Variants in ADGRL3 observed in about 807,000 individuals in gnomAD.
ADGRL3 encodes calcium-independent alpha-latrotoxin receptor 3.
A neutral mutation model predicts 153.5 loss-of-function variants in ADGRL3; 62 were observed. That is an observed-to-expected ratio of 0.40 (90% confidence interval 0.33 to 0.50). The LOEUF (loss-of-function observed/expected upper bound fraction) is 0.50, where lower values mean the gene tolerates loss of function less well. ADGRL3 is among the 20% of genes least tolerant of loss of function. The pLI, the probability that ADGRL3 is intolerant of heterozygous loss-of-function variation, is 0.47. For missense variants in ADGRL3, 1,641 were observed against 1,859.4 expected, an observed-to-expected ratio of 0.88 and a Z score of 2.16; for synonymous variants, 710 against 672.5, an observed-to-expected ratio of 1.06 and a Z score of -0.86.
At chr4:61,927,569 A>C (rs1370067516) in intron 13 of ADGRL3, among the ~76,000 whole-genome samples, 2 of 152,128 alleles carry the variant, frequency 1.3e-5, no homozygotes, top group East Asian at 3.9e-4. Flanking sequence ...ATACTTAATA[A>C]TATTAAATGA....
chr4:61,429,483 G>T (rs1285932380), intron 2 of ADGRL3, among the ~76,000 whole-genome samples: 5 of 152,134 alleles, frequency 3.3e-5, no homozygotes, highest in African/African-American at 4.8e-5. Flanking sequence ...ATATCCCAAA[G>T]AACTACAATG....
At chr4:61,553,645 G>C (rs779491018) in intron 4 of ADGRL3, among the ~76,000 whole-genome samples, 1 of 152,016 alleles carries the variant, frequency 6.6e-6, no homozygotes, top group South Asian at 2.1e-4. Context: ...TTAATAACAA[G>C]TGTAGGCATA....
chr4:61,277,265 G>A (rs894684838), intron 1 of ADGRL3, among the ~76,000 whole-genome samples: 3 of 152,056 alleles, frequency 2.0e-5, no homozygotes, highest in African/African-American at 4.8e-5. Context: ...AAGCCTGACC[G>A]AGTTATAAGG....
At chr4:61,788,018 T>C (rs1020605487) in intron 8 of ADGRL3, among the ~76,000 whole-genome samples, 3 of 152,196 alleles carry the variant, frequency 2.0e-5, no homozygotes, top group African/African-American at 7.2e-5. Context: ...ATGCCACATT[T>C]TCTTTATTCA....
intron 26 of ADGRL3, 73 bp downstream of exon 26, chr4:62,068,256 G>C (rs1422559955): frequency 7.4e-7 from 1 of 1,349,574 alleles, no homozygotes; most frequent in South Asian, 1.3e-5. Flanking sequence ...ATCACATATA[G>C]ATGATGTAGT....
At chr4:61,747,658 C>A (rs1200994569) in intron 8 of ADGRL3, among the ~76,000 whole-genome samples, 2 of 144,316 alleles carry the variant, frequency 1.4e-5, no homozygotes, top group Non-Finnish European at 3.0e-5. Flanking sequence ...AATTCAACAA[C>A]CCTTCATGCT....
chr4:61,447,054 G>C (rs1324914633), intron 2 of ADGRL3, among the ~76,000 whole-genome samples: 1 of 152,064 alleles, frequency 6.6e-6, no homozygotes, highest in African/African-American at 2.4e-5. Context: ...TACTTTCCCA[G>C]TTTTCTCACC....
chr4:62,000,577 T>C (rs1378582338), intron 21 of ADGRL3, among the ~76,000 whole-genome samples: 1 of 152,160 alleles, frequency 6.6e-6, no homozygotes, highest in Admixed American at 6.6e-5. Context: ...TTTTCTAGGT[T>C]ATATTCTTTG....
intron 9 of ADGRL3, among the ~76,000 whole-genome samples, chr4:61,883,929 C>T (rs2098522765): frequency 6.6e-6 from 1 of 152,112 alleles, no homozygotes; most frequent in South Asian, 2.1e-4. Flanking sequence ...TAATGCAAGA[C>T]AATCAATAAA....
At chr4:61,799,142 A>C (rs2152473991) in intron 8 of ADGRL3, among the ~76,000 whole-genome samples, 1 of 151,028 alleles carries the variant, frequency 6.6e-6, no homozygotes, top group East Asian at 2.0e-4. Flanking sequence ...TGGTCCAAGA[A>C]GAATTTTGTA....
intron 4 of ADGRL3, among the ~76,000 whole-genome samples, chr4:61,525,277 G>A (rs1215782468): frequency 6.6e-6 from 1 of 152,086 alleles, no homozygotes; most frequent in African/African-American, 2.4e-5. Flanking sequence ...TGCAAGCATA[G>A]ATGAGAGGTA....
chr4:61,771,617 A>G (rs1274829167), intron 8 of ADGRL3, among the ~76,000 whole-genome samples: 1 of 152,124 alleles, frequency 6.6e-6, no homozygotes, highest in African/African-American at 2.4e-5. Flanking sequence ...TCAAGAACTC[A>G]TTGTGTTGCC....
chr4:61,737,662 A>G (rs777157706), intron 8 of ADGRL3, among the ~76,000 whole-genome samples: 14 of 152,226 alleles, frequency 9.2e-5, no homozygotes, highest in Non-Finnish European at 1.6e-4. Flanking sequence ...ATAGATTTGC[A>G]GTAACCCTAC....
intron 5 of ADGRL3, among the ~76,000 whole-genome samples, chr4:61,626,492 C>T (rs1044930410): frequency 3.9e-5 from 6 of 151,908 alleles, no homozygotes; most frequent in Admixed American, 2.0e-4. Flanking sequence ...AAAGTTGAAA[C>T]GTGAAATTTC....
intron 11 of ADGRL3, among the ~76,000 whole-genome samples, chr4:61,900,310 T>C (rs893842984): frequency 2.0e-4 from 30 of 152,112 alleles, no homozygotes; most frequent in Non-Finnish European, 3.2e-4. Context: ...TGTTTTTTTT[T>C]CCCCCAGCAA....
chr4:61,355,087 G>T (rs894828684), intron 1 of ADGRL3, among the ~76,000 whole-genome samples: 4 of 152,026 alleles, frequency 2.6e-5, no homozygotes, highest in African/African-American at 9.7e-5. Context: ...TTATTCTAAG[G>T]CCAGTTCCTT....
chr4:61,703,768 T>G (rs2095808493), intron 6 of ADGRL3, among the ~76,000 whole-genome samples: 1 of 152,086 alleles, frequency 6.6e-6, no homozygotes, highest in African/African-American at 2.4e-5. Context: ...TCACAGAATC[T>G]ATGTCTCTAT....
At chr4:61,434,027 A>G (rs186552218) in intron 2 of ADGRL3, among the ~76,000 whole-genome samples, 2 of 152,278 alleles carry the variant, frequency 1.3e-5, no homozygotes, top group African/African-American at 4.8e-5. Context: ...TATCTCTGCC[A>G]TCCAATTAAT....
intron 3 of ADGRL3, among the ~76,000 whole-genome samples, chr4:61,514,687 A>G (rs2098482165): frequency 6.6e-6 from 1 of 152,134 alleles, no homozygotes; most frequent in Admixed American, 6.5e-5. Flanking sequence ...TTCATAGAAC[A>G]CATCAGTCTA....
Sources: allele counts gnomAD v4.1 joint callset (sites outside exome capture counted in the v4.1 genomes callset), GRCh38; gene constraint gnomAD v4.1.1; transcripts MANE v1.5; gene names NCBI Gene and HGNC (gene_info 2026-07-23, HGNC 2026-07-21).